Variants in LRP6 observed in about 807,000 individuals in gnomAD.
LRP6 encodes LDL receptor related protein 6.
LRP6 carries 43 observed loss-of-function variants against 184.1 expected under a neutral mutation model. That is an observed-to-expected ratio of 0.23 (90% CI 0.18 to 0.30). The LOEUF is 0.30. Ranked by LOEUF, LRP6 falls within the 10% of genes least tolerant of loss-of-function variation. LRP6 has a pLI of 1.00. For synonymous variants in LRP6, 719 were observed against 684.9 expected (o/e 1.05, Z -0.78); for missense variants, 1,571 against 2,005.3 (o/e 0.78, Z 4.14).
At chr12:12,195,318 C>G (rs1863723855) in intron 3 of LRP6, among the ~76,000 whole-genome samples, 1 of 152,112 alleles carries the variant, frequency 6.6e-6, no homozygotes. Flanking sequence ...CTCCCACCAA[C>G]AGTGTATAAG....
Position 12,203,402 on chromosome 12 carries a change from TA to T in LRP6, c.450-3del. ...CCCCAGTCTGTCCAGTACATGAACC[TA>T]AAAATCATAAAAATAATTAAAGCCA... On this transcript the variant is annotated splice_region_variant and splice_polypyrimidine_tract_variant and intron_variant, in intron 2 of 22. Coordinates refer to ENST00000261349, the MANE Select transcript of LRP6 (RefSeq NM_002336.3). The T allele has an allele frequency of 1.3e-6, 2 of 1,596,136 alleles. No individual in the cohort carries two copies. Among genetic ancestry groups the T allele is most frequent in the Non-Finnish European group, 1.7e-6 (2 of 1,163,624 alleles).
intron 7 of LRP6, among the ~76,000 whole-genome samples, chr12:12,167,476 T>C (rs1368916714): frequency 1.3e-5 from 2 of 152,086 alleles, no homozygotes; most frequent in Non-Finnish European, 2.9e-5. Flanking sequence ...ACCCCGTCTC[T>C]ACTAAAAATA....
rs192509526 is a variant in LRP6, at chr12:12,130,212, A to G, written c.4081+571T>C. Among the ~76,000 whole-genome samples the G allele has an allele frequency of 1.2e-3, 178 of 144,488 alleles. 1 individual carries two copies. Among genetic ancestry groups the G allele is most frequent in the African/African-American group, 4.3e-3 (164 of 38,220 alleles). The allele number at this position is 144,488 out of a possible 152,430, so 94.8% of individuals were successfully genotyped here. On this transcript the variant is annotated intron_variant, in intron 19 of 22. Coordinates refer to ENST00000261349, the MANE Select transcript of LRP6 (RefSeq NM_002336.3). ...TTCTTTTTTTTTTTTTTTGAGACGG[A>G]GTCTTGCTCTGTCGCCTAGGCTAGA...
At chr12:12,189,893 A>G (rs1027902618) in intron 3 of LRP6, among the ~76,000 whole-genome samples, 6 of 152,222 alleles carry the variant, frequency 3.9e-5, no homozygotes, top group African/African-American at 1.2e-4. Context: ...CTACGTTCTC[A>G]TAACAGTTAG....
At chr12:12,145,261 T>C (rs1484509844) in intron 15 of LRP6, among the ~76,000 whole-genome samples, 4 of 151,864 alleles carry the variant, frequency 2.6e-5, no homozygotes, top group Non-Finnish European at 5.9e-5. Context: ...CATGCGTAAG[T>C]GTGTGCCTAA....
In LRP6 at chr12:12,229,385, A is replaced by AG. The variant is rs1437442033; in HGVS notation, c.449+14876_449+14877insC. Among the ~76,000 whole-genome samples, 23 of 101,662 alleles carry AG rather than the reference A, an allele frequency of 2.3e-4. No individual in the cohort carries two copies. The East Asian group carries it at 2.9e-3, about 13-fold the overall frequency. The allele number at this position is 101,662 out of a possible 152,430, so 66.7% of individuals were successfully genotyped here. A position where few individuals can be genotyped will look rare whatever the true frequency, so the allele number is the denominator to read the frequency against. ...AACTCCATTTCAAAAAAAAAAAAAA[A>AG]AAGAAGAAGAAGAAGAATATCTCAC... On this transcript the variant is annotated intron_variant, in intron 2 of 22. Transcript: ENST00000261349.
rs1305967955 is a variant in LRP6 at position 12,120,036 on chromosome 12, TATATATAA to T, written c.*1082_*1089del. 8.6e-5 allele frequency: 10 copies of T among 116,598 alleles called. No homozygotes were observed. Among genetic ancestry groups the T allele is most frequent in the South Asian group, 8.4e-4 (3 of 3,568 alleles). The allele number at this position is 116,598 out of a possible 1,614,324, so 7.2% of individuals were successfully genotyped here. ...ATATATATATATATATATATATATATATATATAAATGATTTCGTACTGTGATATATGCT... is the reference window on the plus strand; with the variant it reads ...ATATATATATATATATATATATATATATGATTTCGTACTGTGATATATGCT... On this transcript the variant is annotated 3_prime_UTR_variant, in exon 23 of 23. Transcript: ENST00000261349.
intron 7 of LRP6, among the ~76,000 whole-genome samples, chr12:12,179,363 G>GATACAT (rs1555112319): frequency 1.7e-4 from 2 of 11,550 alleles, no homozygotes; most frequent in African/African-American, 2.6e-4. Flanking sequence ...AGCAATAAAA[G>GATACAT]ATATAGATAT....
intron 2 of LRP6, among the ~76,000 whole-genome samples, chr12:12,219,482 C>T (rs966680863): frequency 3.3e-5 from 5 of 152,286 alleles, no homozygotes; most frequent in African/African-American, 1.2e-4. Context: ...GGATTACAGG[C>T]GTGAGCCACC....
At chr12:12,147,594 A>G (rs759537213) in intron 14 of LRP6, 38 bp from the exon 15 acceptor site, 26 of 1,434,394 alleles carry the variant, frequency 1.8e-5, no homozygotes, top group Non-Finnish European at 2.2e-5. Context: ...TTACTGGAGT[A>G]AGAAACCACA....
At position 12,181,298 on chromosome 12, in the gene LRP6, T is replaced by C. The variant is rs1178632796; in HGVS notation, c.1118A>G (p.Tyr373Cys). 1.9e-5 allele frequency: 31 copies of C among 1,614,046 alleles called. No homozygotes were observed. Among genetic ancestry groups the C allele is most frequent in the Non-Finnish European group, 2.5e-5 (29 of 1,180,004 alleles). Reference sequence around the variant, plus strand: ...CACTTCATCATCAGTCCAGTAGATGTAGCCTTCCACAGGATCGTAATCTAT... The same window carrying C: ...CACTTCATCATCAGTCCAGTAGATGCAGCCTTCCACAGGATCGTAATCTAT... Reference protein sequence around the residue: ...IAIDYDPVEGYIYWTDDEVRA... With the variant: ...IAIDYDPVEGCIYWTDDEVRA... Residue 373 changes from tyrosine (Y) to cysteine (C), a missense_variant, in exon 6 of 23, where the codon TAC (tyrosine) becomes TGC (cysteine). Physicochemically the swap from Tyr to Cys is radical, Grantham distance 194 (BLOSUM62 -2). Around this residue, in one of 4 missense-constraint regions of LRP6, gnomAD observed 640 missense variants for 851.9 expected, o/e 0.75. Coordinates refer to ENST00000261349, the MANE Select transcript of LRP6 (RefSeq NM_002336.3).
At chr12:12,163,916 G>C (rs910444980) in intron 9 of LRP6, among the ~76,000 whole-genome samples, 2 of 152,234 alleles carry the variant, frequency 1.3e-5, no homozygotes, top group Middle Eastern at 6.8e-3. Flanking sequence ...GGCGGATCAC[G>C]AGGTCAAGAG....
rs1267275713 is a variant in LRP6, at chr12:12,155,795, C to T, written c.2791+3034G>A. Reference sequence around the variant, plus strand: ...TAATAGGTGTTAAAAAAATAAAAGACTTCTGGACTGTTAAAAAAAAAAAAA... The same window carrying T: ...TAATAGGTGTTAAAAAAATAAAAGATTTCTGGACTGTTAAAAAAAAAAAAA... On this transcript the variant is annotated intron_variant, in intron 12 of 22. Transcript: ENST00000261349. 5 of 758,852 alleles carry T rather than the reference C, an allele frequency of 6.6e-6. No homozygotes were observed. The East Asian group carries it at 7.4e-5, about 11-fold the overall frequency. The allele number at this position is 758,852 out of a possible 1,614,324, so 47.0% of individuals were successfully genotyped here. A position where few individuals can be genotyped will look rare whatever the true frequency, so the allele number is the denominator to read the frequency against.
intron 1 of LRP6, among the ~76,000 whole-genome samples, chr12:12,263,885 T>G (rs1865691893): frequency 6.6e-6 from 1 of 151,764 alleles, no homozygotes. Flanking sequence ...GGCTCACACC[T>G]GTAACCTGTA....
chr12:12,179,373 TAGATATAG>T (rs1863280654), intron 7 of LRP6, among the ~76,000 whole-genome samples: 2 of 23,730 alleles, frequency 8.4e-5, no homozygotes, highest in East Asian at 0.016. Flanking sequence ...GATATAGATA[TAGATATAG>T]ATATAGATAT....
intron 9 of LRP6, 118 bp downstream of exon 9, chr12:12,164,155 T>A: frequency 1.1e-6 from 1 of 924,706 alleles, no homozygotes; most frequent in Non-Finnish European, 1.6e-6. Context: ...ACTTGAGGGT[T>A]TTTGTTGAAC....
At chr12:12,241,433 A>G (rs551750259) in intron 2 of LRP6, among the ~76,000 whole-genome samples, 77 of 152,338 alleles carry the variant, frequency 5.1e-4, no homozygotes, top group African/African-American at 1.8e-3. Flanking sequence ...TCTGATGAAT[A>G]TATTTTTCAG....
intron 12 of LRP6, among the ~76,000 whole-genome samples, chr12:12,155,990 G>GA (rs970483863): frequency 2.0e-5 from 3 of 151,536 alleles, no homozygotes; most frequent in Non-Finnish European, 4.4e-5. Flanking sequence ...GAAGAAAACA[G>GA]AAAAAAAATT....
intron 2 of LRP6, among the ~76,000 whole-genome samples, chr12:12,226,049 CAGA>C (rs1423617259): frequency 6.6e-6 from 1 of 152,150 alleles, no homozygotes; most frequent in African/African-American, 2.4e-5. Context: ...CCCGTCTACA[CAGA>C]AGAAGAGAAA....
Sources: allele counts gnomAD v4.1 joint callset (sites outside exome capture counted in the v4.1 genomes callset), GRCh38; gene constraint gnomAD v4.1.1; regional missense constraint gnomAD v4.1.1; transcripts MANE v1.5; gene names NCBI Gene and HGNC (gene_info 2026-07-23, HGNC 2026-07-21).